Variants in CXXC1 observed in about 807,000 individuals in gnomAD.
The protein encoded by CXXC1 is CXXC-type zinc finger protein 1.
In CXXC1, 21 loss-of-function variants were observed where a neutral mutation model predicts 83.6. That is an observed-to-expected ratio of 0.25 (90% confidence interval 0.18 to 0.36). The LOEUF is 0.36. Among genes scored for constraint, CXXC1 ranks in the 10% least tolerant of loss-of-function variants. The pLI, the probability that CXXC1 is intolerant of heterozygous loss-of-function variation, is 1.00. For missense variants in CXXC1, 688 were observed against 919.5 expected, an observed-to-expected ratio of 0.75 and a Z score of 3.26; for synonymous variants, 371 against 337.5, an observed-to-expected ratio of 1.10 and a Z score of -1.09.
At chr18:50,284,638 C>G (rs1307944393) in intron 8 of CXXC1, 76 bp from the exon 9 acceptor site, 1 of 1,604,768 alleles carries the variant, frequency 6.2e-7, no homozygotes, top group Non-Finnish European at 8.5e-7. Flanking sequence ...CCATTCTAGC[C>G]CTTTCTGGCT....
chr18:50,286,083 G>A lies in CXXC1; in HGVS notation c.398C>T (p.Ala133Val), dbSNP rs147917596. The change falls in exon 4 of 15, where the codon GCT (alanine) becomes GTT (valine). Residue 133 changes from alanine (A) to valine (V), a missense_variant. Physicochemically the swap from Ala to Val is moderately conservative, Grantham distance 64. Around this residue, in one of 9 missense-constraint regions of CXXC1, gnomAD observed 142 missense variants for 150.7 expected, o/e 0.94. Transcript: ENST00000285106. ...TTTGTGGGGCGAAGCAGAGCCCCGA[G>A]CAAGCATGGCCCCAACCCCTGTCCC... Reference protein sequence around the residue: ...GSGTGVGAMLARGSASPHKSS... With the variant: ...GSGTGVGAMLVRGSASPHKSS... The A allele has an allele frequency of 3.8e-5, 62 of 1,613,850 alleles. No homozygotes were observed. Among genetic ancestry groups the A allele is most frequent in the Admixed American group, 3.3e-4 (20 of 59,998 alleles).
chr18:50,285,394 G>A lies in CXXC1; in HGVS notation c.640-43C>T, dbSNP rs369879084. On this transcript the variant is annotated intron_variant, in intron 5 of 14. Coordinates refer to ENST00000285106, the MANE Select transcript of CXXC1 (RefSeq NM_014593.4). The surrounding 1 kb of genome is among the most constrained non-coding windows in gnomAD (Gnocchi z 4.4). The stretch of plus-strand genomic sequence containing the variant: ...AGGCCCAGGTCAGCCCCAGGTGGAT[G>A]GAGGGCGGCCTTGCCCTAGCCCTAC... 10 of 1,558,340 alleles carry A rather than the reference G, an allele frequency of 6.4e-6. No individual in the cohort carries two copies. In the African/African-American group the frequency reaches 1.1e-4, roughly 17 times the overall value.
Position 50,282,954 on chromosome 18 carries a change from A to T in CXXC1, c.1724T>A (p.Leu575His). The T allele has an allele frequency of 1.2e-6, 2 of 1,614,138 alleles. No homozygotes were observed. Among genetic ancestry groups the T allele is most frequent in the Non-Finnish European group, 1.7e-6 (2 of 1,180,040 alleles). ...GGGCAGGCGGCAGAAGTCACCCGTGAGCTCAAAGACATCACGTACAAGGGG... is the reference window on the plus strand; with the variant it reads ...GGGCAGGCGGCAGAAGTCACCCGTGTGCTCAAAGACATCACGTACAAGGGG... The part of the protein sequence containing the change: ...GCPLVRDVFE[L>H]TGDFCRLPKR... The change falls in exon 14 of 15, where the codon CTC becomes CAC. Residue 575 changes from leucine (L) to histidine (H), a missense_variant. Coordinates refer to ENST00000285106, the MANE Select transcript of CXXC1 (RefSeq NM_014593.4). The surrounding 1 kb of genome is among the most constrained non-coding windows in gnomAD (Gnocchi z 5.8).
rs567216822 is a variant in CXXC1, at chr18:50,287,414, G to A, written c.3+173C>T. On this transcript the variant is annotated intron_variant, in intron 1 of 14. Coordinates refer to ENST00000285106, the MANE Select transcript of CXXC1 (RefSeq NM_014593.4). ...AACTTCTATTAAGGAGCCCCCCACC[G>A]TGGCTCACCATAGAACTCCCAGATG... is the stretch of plus-strand genomic sequence containing the variant. 24 of 743,476 alleles carry A rather than the reference G, an allele frequency of 3.2e-5. 1 individual carries two copies. Among genetic ancestry groups the A allele is most frequent in the South Asian group, 3.1e-4 (18 of 57,486 alleles). The allele number at this position is 743,476 out of a possible 1,614,324, so 46.1% of individuals were successfully genotyped here.
In CXXC1 at chr18:50,285,145, C is replaced by G. The variant is rs2040692730; in HGVS notation, c.769G>C (p.Asp257His). Residue 257 changes from aspartate (D) to histidine (H), a missense_variant, in exon 7 of 15, where the codon GAT becomes CAT. Transcript: ENST00000285106. This position sits in a 1 kb window ranked among gnomAD's most constrained non-coding sequence, Gnocchi z 4.4. ...PSQKLGRIRE[D>H]EGAVASSTVK... ...GTTGATGACGCCACTGCCCCCTCATCTTCACGGATGCGCCCTAACTTCTGT... is the reference window on the plus strand; with the variant it reads ...GTTGATGACGCCACTGCCCCCTCATGTTCACGGATGCGCCCTAACTTCTGT... 2 of 1,614,248 alleles carry G rather than the reference C, an allele frequency of 1.2e-6. No individual in the cohort carries two copies. The highest frequency in any genetic ancestry group is 1.7e-6 in the Non-Finnish European group (2 of 1,180,044).
In CXXC1 at chr18:50,285,060, G is replaced by A. The variant is rs1319873204; in HGVS notation, c.854C>T (p.Pro285Leu). The change falls in exon 7 of 15, where the codon CCT becomes CTT. Residue 285 changes from proline (P) to leucine (L), a missense_variant. Transcript: ENST00000285106. The surrounding 1 kb of genome is among the most constrained non-coding windows in gnomAD (Gnocchi z 4.4). ...TPEPLSDEDL[P>L]LDPDLYQDFC... The stretch of plus-strand genomic sequence containing the variant: ...GTCCTGATACAGGTCAGGATCCAGA[G>A]GTAGGTCCTCATCTGAGAGTGGCTC... 6.2e-7 allele frequency: 1 copy of A among 1,614,130 alleles called. No individual in the cohort carries two copies. The highest frequency in any genetic ancestry group is 1.3e-5 in the African/African-American group (1 of 74,956).
rs1386378385 is a variant in CXXC1, at chr18:50,282,953, G to A, written c.1725C>T (p.Leu575=). 5.0e-6 allele frequency: 8 copies of A among 1,614,204 alleles called. No individual in the cohort carries two copies. Among genetic ancestry groups the A allele is most frequent in the Non-Finnish European group, 6.8e-6 (8 of 1,180,040 alleles). ...TGGGCAGGCGGCAGAAGTCACCCGT[G>A]AGCTCAAAGACATCACGTACAAGGG... ...GCPLVRDVFE[L]TGDFCRLPKR... is the part of the protein sequence containing the mutation. Residue 575 remains leucine, a synonymous_variant, in exon 14 of 15, where the codon CTC becomes CTT. Transcript: ENST00000285106. The surrounding 1 kb of genome is among the most constrained non-coding windows in gnomAD (Gnocchi z 5.8).
At chr18:50,286,339 C>T in intron 3 of CXXC1, 82 bp from the exon 4 acceptor site, 1 of 1,294,840 alleles carries the variant, frequency 7.7e-7, no homozygotes, top group Non-Finnish European at 1.1e-6. Flanking sequence ...CCTCTTCGCT[C>T]CCTTACTGAC....
Position 50,283,315 on chromosome 18 carries a change from A to G in CXXC1, c.1621T>C (p.Tyr541His). 2 of 1,613,988 alleles carry G rather than the reference A, an allele frequency of 1.2e-6. No individual in the cohort carries two copies. Among genetic ancestry groups the G allele is most frequent in the Non-Finnish European group, 8.5e-7 (1 of 1,179,988 alleles). The change falls in exon 13 of 15, where the codon TAC becomes CAC. Residue 541 changes from tyrosine to histidine, a missense_variant. Tyr to His is a moderately conservative substitution (Grantham distance 83). This residue lies in a region of CXXC1 where 114 missense variants were observed against 173.3 expected (regional missense o/e 0.66). Transcript: ENST00000285106. ...CACAGCACCTGGAGCCGCTTACAGT[A>G]TGTTTTGCTCTGAGGATTATACACA... is the stretch of plus-strand genomic sequence containing the variant. Reference protein sequence around the residue: ...CDVYNPQSKTYCKRLQVLCPE... With the variant: ...CDVYNPQSKTHCKRLQVLCPE...
In CXXC1 at chr18:50,285,290, G is replaced by A. The variant is rs1054594257; in HGVS notation, c.666+35C>T. The A allele has an allele frequency of 8.1e-6, 13 of 1,610,382 alleles. No homozygotes were observed. Among genetic ancestry groups the A allele is most frequent in the South Asian group, 1.1e-5 (1 of 90,806 alleles). On this transcript the variant is annotated intron_variant, in intron 6 of 14. Coordinates refer to ENST00000285106, the MANE Select transcript of CXXC1 (RefSeq NM_014593.4). The surrounding 1 kb of genome is among the most constrained non-coding windows in gnomAD (Gnocchi z 4.4). ...AGGACTGGCCCTGACCGCCCTGCCC[G>A]CATGCCCCACCCCACCCTGGGGGGC...
Position 50,282,582 on chromosome 18 carries a change from G to T in CXXC1, c.*11C>A. On this transcript the variant is annotated 3_prime_UTR_variant, in exon 15 of 15. Coordinates refer to ENST00000285106, the MANE Select transcript of CXXC1 (RefSeq NM_014593.4). This position sits in a 1 kb window ranked among gnomAD's most constrained non-coding sequence, Gnocchi z 5.8. The stretch of plus-strand genomic sequence containing the variant: ...TGGAATGCAGGGTGTAAGGGGTCCG[G>T]GCCAGGAGGCTCAGCGGTCGGCACT... The T allele has an allele frequency of 6.2e-7, 1 of 1,605,986 alleles. No homozygotes were observed.
At position 50,283,340 on chromosome 18, in the gene CXXC1, A is replaced by G. The variant is rs150530383; in HGVS notation, c.1596T>C (p.Asp532=). ...ATGTTTTGCTCTGAGGATTATACAC[A>G]TCACAGAAGAGTCGTGTGGCCCTGG... The part of the protein sequence containing the change: ...RIEGATRLFC[D]VYNPQSKTYC... The change falls in exon 13 of 15, where the codon GAT becomes GAC. Residue 532 remains aspartate (D), a synonymous_variant. Transcript: ENST00000285106. 2.4e-4 allele frequency: 389 copies of G among 1,613,928 alleles called. 1 individual carries two copies. The African/African-American group carries it at 4.6e-3, about 19-fold the overall frequency.
rs1219975425 is a variant in CXXC1, at chr18:50,284,497, C to T, written c.1086G>A (p.Glu362=). ...ACGCAGGGTCCTTGGCATCAGCCCT[C>T]TCTGGGTGTTTCCATTTATCCTTGT... The part of the protein sequence containing the change: ...QKHKDKWKHP[E]RADAKDPASL... Residue 362 remains glutamate (E), a synonymous_variant, in exon 9 of 15, where the codon GAG becomes GAA. Transcript: ENST00000285106. 1.2e-6 allele frequency: 2 copies of T among 1,608,746 alleles called. No homozygotes were observed. Among genetic ancestry groups the T allele is most frequent in the Non-Finnish European group, 8.5e-7 (1 of 1,177,538 alleles).
At chr18:50,284,880 G>A in intron 7 of CXXC1, 41 bp from the exon 8 acceptor site, 1 of 1,613,454 alleles carries the variant, frequency 6.2e-7, no homozygotes, top group Non-Finnish European at 8.5e-7. Flanking sequence ...CCCCGCTCGT[G>A]ACAACCCCAC....
chr18:50,287,074 C>G, intron 1 of CXXC1: 1 of 577,484 alleles, frequency 1.7e-6, no homozygotes, highest in Non-Finnish European at 3.1e-6. Context: ...ACGCACCCAC[C>G]GACACCCGCT....
chr18:50,287,342 C>T, intron 1 of CXXC1: 2 of 557,608 alleles, frequency 3.6e-6, no homozygotes, highest in Non-Finnish European at 3.2e-6. Context: ...GCCCTAAGAA[C>T]CCCCGATCAT....
chr18:50,287,084 TC>T (rs911827605), intron 1 of CXXC1: 1 of 568,682 alleles, frequency 1.8e-6, no homozygotes. Context: ...CGACACCCGC[TC>T]CCTGCGTCCA....
chr18:50,282,832 C>T lies in CXXC1; in HGVS notation c.1824+22G>A. ...ACATGGAAACCTACCACATGCAGCA[C>T]CAAAACCGCACAGAAACCTACCACA... On this transcript the variant is annotated intron_variant, in intron 14 of 14. Transcript: ENST00000285106. This position sits in a 1 kb window ranked among gnomAD's most constrained non-coding sequence, Gnocchi z 5.8. 1 of 1,613,592 alleles carries T rather than the reference C, an allele frequency of 6.2e-7. No homozygotes were observed. Among genetic ancestry groups the T allele is most frequent in the Non-Finnish European group, 8.5e-7 (1 of 1,179,550 alleles).
Position 50,285,471 on chromosome 18 carries a change from T to C in CXXC1, c.640-120A>G. Reference sequence around the variant, plus strand: ...GACACACCTCCCCGCTACCCCTCATTGCCAGGAATGCTCAGCCCTGCCTGA... The same window carrying C: ...GACACACCTCCCCGCTACCCCTCATCGCCAGGAATGCTCAGCCCTGCCTGA... On this transcript the variant is annotated intron_variant, in intron 5 of 14. Coordinates refer to ENST00000285106, the MANE Select transcript of CXXC1 (RefSeq NM_014593.4). This position sits in a 1 kb window ranked among gnomAD's most constrained non-coding sequence, Gnocchi z 4.4. 8.0e-7 allele frequency: 1 copy of C among 1,243,318 alleles called. No homozygotes were observed. The allele number at this position is 1,243,318 out of a possible 1,614,324, so 77.0% of individuals were successfully genotyped here. A position where few individuals can be genotyped will look rare whatever the true frequency, so the allele number is the denominator to read the frequency against.
Sources: gnomAD v4.1 joint callset for allele counts on GRCh38, gnomAD v4.1.1 for gene constraint, gnomAD v4.1.1 regional missense constraint, Gnocchi (gnomAD v3.1) non-coding constraint, MANE v1.5 for transcripts, NCBI Gene and HGNC (gene_info 2026-07-23, HGNC 2026-07-21) for gene names.